ATF2: variants seen among roughly 807,000 people sequenced by gnomAD.
ATF2 encodes cyclic AMP-dependent transcription factor ATF-2.
In ATF2, 24 loss-of-function variants were observed where a neutral mutation model predicts 60.6. The ratio of observed to expected loss-of-function variants is 0.40; its 90% CI spans 0.29 to 0.56. The LOEUF is 0.56. Among genes scored for constraint, ATF2 ranks in the 20% least tolerant of loss-of-function variants. The pLI is 0.54. For synonymous variants in ATF2, 206 were observed against 215.4 expected (o/e 0.96, Z 0.38); for missense variants, 433 against 607.7 (o/e 0.71, Z 3.02).
At chr2:175,130,046 G>A in intron 4 of ATF2, 92 bp downstream of exon 4, 1 of 1,004,650 alleles carries the variant, frequency 1.0e-6, no homozygotes, top group Non-Finnish European at 1.4e-6. Context: ...ACAGAATACT[G>A]TAAGAAAATA....
chr2:175,107,893 C>T (rs984162437), intron 10 of ATF2, among the ~76,000 whole-genome samples: 1 of 152,210 alleles, frequency 6.6e-6, no homozygotes, highest in Non-Finnish European at 1.5e-5. Flanking sequence ...GGCTGGAGTG[C>T]AGTGGCGTGA....
At chr2:175,089,958 A>T (rs983154232) in intron 12 of ATF2, among the ~76,000 whole-genome samples, 1 of 152,172 alleles carries the variant, frequency 6.6e-6, no homozygotes, top group African/African-American at 2.4e-5. Flanking sequence ...ATTAATAAGA[A>T]AGCATTATGC....
At chr2:175,120,032 G>C (rs181213075) in intron 5 of ATF2, among the ~76,000 whole-genome samples, 1 of 151,322 alleles carries the variant, frequency 6.6e-6, no homozygotes, top group Non-Finnish European at 1.5e-5. Flanking sequence ...CAACATGTTA[G>C]TGAAAAAAAA....
At chr2:175,128,544 A>G (rs944506446) in intron 4 of ATF2, among the ~76,000 whole-genome samples, 4 of 152,128 alleles carry the variant, frequency 2.6e-5, no homozygotes, top group African/African-American at 9.7e-5. Flanking sequence ...CTCACACCAT[A>G]CACAAAAATT....
intron 1 of ATF2, among the ~76,000 whole-genome samples, chr2:175,157,653 G>A (rs572925467): frequency 6.2e-4 from 95 of 152,196 alleles, no homozygotes; most frequent in African/African-American, 2.2e-3. Context: ...AGGGGGAGGG[G>A]CACGCTAGCA....
chr2:175,122,306 C>T (rs1019650040), intron 4 of ATF2, among the ~76,000 whole-genome samples: 2 of 151,946 alleles, frequency 1.3e-5, no homozygotes, highest in African/African-American at 2.4e-5. Context: ...TCTCCAATGT[C>T]TGAACATCAA....
chr2:175,078,384 C>T (rs1192717471), intron 13 of ATF2, among the ~76,000 whole-genome samples: 2 of 152,170 alleles, frequency 1.3e-5, no homozygotes, highest in Non-Finnish European at 2.9e-5. Context: ...ATGCCCAGAT[C>T]TAAAGAATGT....
intron 12 of ATF2, among the ~76,000 whole-genome samples, chr2:175,084,585 G>A (rs1360595982): frequency 7.4e-5 from 11 of 147,754 alleles, no homozygotes; most frequent in Non-Finnish European, 1.6e-4. Context: ...CATGGCACAT[G>A]TATACATATG....
Position 175,074,798 on chromosome 2 carries a change from C to G in ATF2, c.1329G>C (p.Val443=), listed in dbSNP as rs761437442. Residue 443 remains valine (V), a synonymous_variant, in exon 14 of 14, where the codon GTG becomes GTC. Coordinates refer to ENST00000264110, the MANE Select transcript of ATF2 (RefSeq NM_001880.4). ...TAGCTTCTGTATGTGGACTACTCGG[C>G]ACTGAAATGTCTTCTGAACTATCAT... ...DKDDSSEDIS[V]PSSPHTEAIQ... The G allele has an allele frequency of 3.7e-6, 6 of 1,613,530 alleles. No individual in the cohort carries two copies. The highest frequency in any genetic ancestry group is 5.1e-6 in the Non-Finnish European group (6 of 1,179,634).
At position 175,117,099 on chromosome 2, in the gene ATF2, GA is replaced by G. The variant is rs1488152932; in HGVS notation, c.447+890del. On this transcript the variant is annotated intron_variant, in intron 7 of 13. Transcript: ENST00000264110. Reference sequence around the variant, plus strand: ...TTGTACCTATAAATGTATATATCTAGAAAAAAATGTTTCAAGATAGTAATTC... The same window carrying G: ...TTGTACCTATAAATGTATATATCTAGAAAAAATGTTTCAAGATAGTAATTC... 5.3e-5 allele frequency among the ~76,000 whole-genome samples: 8 copies of G among 151,456 alleles called. No homozygotes were observed. In the South Asian group the frequency reaches 6.2e-4, roughly 12 times the overall value.
chr2:175,074,886 C>T (rs371171989), intron 13 of ATF2, 51 bp from the exon 14 acceptor site: 42 of 1,602,024 alleles, frequency 2.6e-5, no homozygotes, highest in South Asian at 8.9e-5. Context: ...GGTAAGAATG[C>T]ACCAGTATGC....
intron 4 of ATF2, among the ~76,000 whole-genome samples, chr2:175,125,963 A>G (rs1365115292): frequency 6.6e-6 from 1 of 152,102 alleles, no homozygotes; most frequent in Middle Eastern, 3.2e-3. Context: ...ACCATCTTCA[A>G]TCCTACATTG....
chr2:175,097,294 G>C (rs1232356559), intron 11 of ATF2, 150 bp downstream of exon 11: 4 of 1,065,280 alleles, frequency 3.8e-6, no homozygotes, highest in Admixed American at 2.7e-5. Context: ...ATCAATACTT[G>C]TATACTGAGC....
In ATF2 at chr2:175,097,524, T is replaced by C; in HGVS notation, c.898A>G (p.Ser300Gly). Residue 300 changes from serine (S) to glycine (G), a missense_variant, in exon 11 of 14, where the codon AGC (serine) becomes GGC (glycine). By Grantham distance (56) the Ser-to-Gly change is moderately conservative. Transcript: ENST00000264110. ...TNGDTVKGHG[S>G]GLVRTQSEES... ...TCTGACTGAGTCCTAACCAATCCGC[T>C]ACCATGACCTTTGACAGTATCACCA... The C allele has an allele frequency of 6.2e-7, 1 of 1,614,160 alleles. No homozygotes were observed. Among genetic ancestry groups the C allele is most frequent in the Non-Finnish European group, 8.5e-7 (1 of 1,180,018 alleles).
chr2:175,129,922 C>A (rs1469679240), intron 4 of ATF2, among the ~76,000 whole-genome samples: 2 of 151,766 alleles, frequency 1.3e-5, no homozygotes, highest in African/African-American at 4.8e-5. Flanking sequence ...ATATAATGCT[C>A]CCCCCCTCCG....
chr2:175,100,967 A>G (rs1254020193), intron 10 of ATF2, among the ~76,000 whole-genome samples: 1 of 152,218 alleles, frequency 6.6e-6, no homozygotes, highest in East Asian at 1.9e-4. Flanking sequence ...AAGTAAAAAA[A>G]TTGGCCTTGC....
Position 175,097,535 on chromosome 2 carries a change from T to C in ATF2, c.887A>G (p.Lys296Arg), listed in dbSNP as rs1695014987. Residue 296 changes from lysine (K) to arginine (R), a missense_variant, in exon 11 of 14, where the codon AAA becomes AGA. Coordinates refer to ENST00000264110, the MANE Select transcript of ATF2 (RefSeq NM_001880.4). Reference sequence around the variant, plus strand: ...CCTAACCAATCCGCTACCATGACCTTTGACAGTATCACCATTGGTAACTGG... The same window carrying C: ...CCTAACCAATCCGCTACCATGACCTCTGACAGTATCACCATTGGTAACTGG... ...HPPVTNGDTV[K>R]GHGSGLVRTQ... is the part of the protein sequence containing the mutation. 1.2e-6 allele frequency: 2 copies of C among 1,614,096 alleles called. No homozygotes were observed. Among genetic ancestry groups the C allele is most frequent in the South Asian group, 1.1e-5 (1 of 91,074 alleles).
chr2:175,122,396 CTAAGT>C (rs1697026245), intron 4 of ATF2, among the ~76,000 whole-genome samples: 1 of 151,848 alleles, frequency 6.6e-6, no homozygotes, highest in African/African-American at 2.4e-5. Context: ...TTTTAAAATG[CTAAGT>C]TAACAGATCT....
At chr2:175,084,500 G>C (rs574806958) in intron 12 of ATF2, among the ~76,000 whole-genome samples, 9 of 111,552 alleles carry the variant, frequency 8.1e-5, no homozygotes, top group African/African-American at 1.7e-4. Context: ...GTTGTGGGGT[G>C]GGGGGAGGGG....
Sources: allele counts gnomAD v4.1 joint callset (sites outside exome capture counted in the v4.1 genomes callset), GRCh38; gene constraint gnomAD v4.1.1; transcripts MANE v1.5; gene names NCBI Gene and HGNC (gene_info 2026-07-23, HGNC 2026-07-21).